The following SGMS1 variants were observed in gnomAD, a reference collection of about 807,000 sequenced individuals.
SGMS1 encodes the protein phosphatidylcholine:ceramide cholinephosphotransferase 1.
Under a neutral mutation model 46.2 loss-of-function variants are expected in SGMS1, and 13 were observed. The ratio of observed to expected loss-of-function variants is 0.28; its 90% CI spans 0.18 to 0.45. SGMS1 has a LOEUF of 0.45. Among genes scored for constraint, SGMS1 ranks in the 20% least tolerant of loss-of-function variants. The pLI, the probability that SGMS1 is intolerant of heterozygous loss-of-function variation, is 1.00. For missense variants in SGMS1, 324 were observed against 519.9 expected (o/e 0.62, Z 3.66); for synonymous variants, 203 against 187.8 (o/e 1.08, Z -0.66).
intron 2 of SGMS1, among the ~76,000 whole-genome samples, chr10:50,564,893 G>A (rs917535109): frequency 5.9e-5 from 9 of 151,762 alleles, no homozygotes; most frequent in Admixed American, 2.0e-4. Flanking sequence ...AAAGGGCTAC[G>A]TTCACACTGG....
At chr10:50,591,884 T>A (rs1053992556) in intron 1 of SGMS1, among the ~76,000 whole-genome samples, 1 of 152,228 alleles carries the variant, frequency 6.6e-6, no homozygotes, top group Non-Finnish European at 1.5e-5. Flanking sequence ...TCACCAGAAT[T>A]CTGTAGACAC....
At chr10:50,376,852 T>C (rs1848529645) in intron 6 of SGMS1, among the ~76,000 whole-genome samples, 1 of 152,194 alleles carries the variant, frequency 6.6e-6, no homozygotes, top group South Asian at 2.1e-4. Flanking sequence ...TTTGGGTTGG[T>C]TCCAAGTCTT....
chr10:50,587,633 A>ATGTGTGTGTGTGTGTGTGTGTG (rs35240090), intron 2 of SGMS1, among the ~76,000 whole-genome samples: 2 of 138,170 alleles, frequency 1.4e-5, no homozygotes, highest in African/African-American at 5.5e-5. Context: ...CAAAATATAT[A>ATGTGTGTGTGTGTGTGTGTGTG]TGTGTGTGTG....
chr10:50,341,881 T>C (rs1847826822), intron 7 of SGMS1, among the ~76,000 whole-genome samples: 2 of 152,278 alleles, frequency 1.3e-5, no homozygotes, highest in East Asian at 1.9e-4. Context: ...AGAAAATTAG[T>C]TTTATGGTTA....
At chr10:50,617,881 AT>A (rs1232490399) in intron 1 of SGMS1, among the ~76,000 whole-genome samples, 6,119 of 134,180 alleles carry the variant, frequency 0.046, 333 homozygotes, top group East Asian at 0.33. Context: ...CCCTGGCTTA[AT>A]TTTTTTTTTT....
chr10:50,569,323 G>T (rs1838317613), intron 2 of SGMS1, among the ~76,000 whole-genome samples: 2 of 150,918 alleles, frequency 1.3e-5, no homozygotes, highest in African/African-American at 4.9e-5. Flanking sequence ...AAAAAGAGTG[G>T]TTTAGACGTT....
chr10:50,488,753 C>A (rs1420326119), intron 3 of SGMS1, among the ~76,000 whole-genome samples: 1 of 152,204 alleles, frequency 6.6e-6, no homozygotes, highest in South Asian at 2.1e-4. Context: ...CAATTAACTT[C>A]TTTTTCCCAT....
intron 6 of SGMS1, among the ~76,000 whole-genome samples, chr10:50,402,130 A>C (rs1564902849): frequency 6.6e-6 from 1 of 152,108 alleles, no homozygotes. Context: ...CAAAAGCCTA[A>C]TTAATGGCAT....
intron 8 of SGMS1, among the ~76,000 whole-genome samples, chr10:50,326,778 T>C (rs2133313020): frequency 6.6e-6 from 1 of 152,318 alleles, no homozygotes; most frequent in Middle Eastern, 3.4e-3. Flanking sequence ...TTTGGCTTGG[T>C]TGAGGACTGC....
chr10:50,494,511 C>A (rs925993259), intron 3 of SGMS1, among the ~76,000 whole-genome samples: 2 of 152,112 alleles, frequency 1.3e-5, no homozygotes, highest in African/African-American at 4.8e-5. Flanking sequence ...TTATCCTTAG[C>A]AAATTAACAC....
At chr10:50,523,738 A>C (rs1305020890) in intron 2 of SGMS1, among the ~76,000 whole-genome samples, 1 of 152,264 alleles carries the variant, frequency 6.6e-6, no homozygotes, top group East Asian at 1.9e-4. Context: ...TAAACAGTCA[A>C]AAATAAAACT....
intron 5 of SGMS1, among the ~76,000 whole-genome samples, chr10:50,447,976 C>T (rs1837046623): frequency 6.6e-6 from 1 of 152,172 alleles, no homozygotes; most frequent in South Asian, 2.1e-4. Flanking sequence ...GGTTCCAGTG[C>T]AAAGTAATCT....
intron 6 of SGMS1, among the ~76,000 whole-genome samples, chr10:50,355,475 G>A (rs1168284162): frequency 8.5e-5 from 13 of 152,192 alleles, no homozygotes; most frequent in African/African-American, 2.2e-4. Context: ...GGGTTTCGCC[G>A]TGTTGGCCGG....
intron 5 of SGMS1, among the ~76,000 whole-genome samples, chr10:50,459,696 G>T (rs1337525582): frequency 6.6e-6 from 1 of 152,268 alleles, no homozygotes; most frequent in Admixed American, 6.5e-5. Flanking sequence ...GAGCCACCAC[G>T]CCCAGCTGAA....
intron 6 of SGMS1, among the ~76,000 whole-genome samples, chr10:50,406,298 G>A (rs1849013332): frequency 1.3e-5 from 2 of 152,178 alleles, no homozygotes; most frequent in Non-Finnish European, 2.9e-5. Flanking sequence ...TTCCTGGTCT[G>A]ATCAGGAGTC....
At chr10:50,447,768 A>C (rs1041706393) in intron 5 of SGMS1, among the ~76,000 whole-genome samples, 1 of 152,200 alleles carries the variant, frequency 6.6e-6, no homozygotes, top group Admixed American at 6.5e-5. Flanking sequence ...GAATACTTCA[A>C]ATCTACTCTT....
chr10:50,531,829 A>G (rs564379063), intron 2 of SGMS1, among the ~76,000 whole-genome samples: 20 of 152,316 alleles, frequency 1.3e-4, no homozygotes, highest in Middle Eastern at 3.4e-3. Flanking sequence ...GCTTTAATCC[A>G]AGCAATAGCA....
At chr10:50,474,912 T>C (rs897083385) in intron 3 of SGMS1, among the ~76,000 whole-genome samples, 5 of 152,210 alleles carry the variant, frequency 3.3e-5, no homozygotes, top group Non-Finnish European at 5.9e-5. Flanking sequence ...ATTGGATATA[T>C]AAATATTCTT....
intron 3 of SGMS1, among the ~76,000 whole-genome samples, chr10:50,518,653 AG>A (rs1417205968): frequency 6.6e-6 from 1 of 152,160 alleles, no homozygotes; most frequent in Admixed American, 6.6e-5. Context: ...TCCTGACCTT[AG>A]GTGATCTGCC....
Sources: allele counts gnomAD v4.1 joint callset (sites outside exome capture counted in the v4.1 genomes callset), GRCh38; gene constraint gnomAD v4.1.1; transcripts MANE v1.5; gene names NCBI Gene and HGNC (gene_info 2026-07-23, HGNC 2026-07-21).